The following HDAC9 variants were observed in gnomAD, a reference collection of about 807,000 sequenced individuals.
HDAC9 encodes the protein MEF-2 interacting transcription repressor (MITR) protein.
HDAC9 carries 41 observed loss-of-function variants against 139.4 expected under a neutral mutation model. That is an observed-to-expected ratio of 0.29 (90% CI 0.23 to 0.38). The LOEUF is 0.38. Ranked by LOEUF, HDAC9 falls within the 10% of genes least tolerant of loss-of-function variation. HDAC9 has a pLI of 1.00. For synonymous variants in HDAC9, 517 were observed against 476.2 expected, an observed-to-expected ratio of 1.09 and a Z score of -1.12; for missense variants, 1,147 against 1,297.0, an observed-to-expected ratio of 0.88 and a Z score of 1.78.
intron 22 of HDAC9, among the ~76,000 whole-genome samples, chr7:18,927,054 G>T (rs1307160723): frequency 1.3e-5 from 2 of 152,032 alleles, no homozygotes; most frequent in Non-Finnish European, 1.5e-5. Context: ...AACATGAAAT[G>T]AATCTTCAGA....
chr7:18,561,240 T>C (rs1338232875), intron 2 of HDAC9, among the ~76,000 whole-genome samples: 4 of 152,182 alleles, frequency 2.6e-5, no homozygotes, highest in African/African-American at 9.7e-5. Flanking sequence ...AATTTAAATG[T>C]AACCTGAACG....
intron 2 of HDAC9, among the ~76,000 whole-genome samples, chr7:18,539,568 A>G (rs1216364363): frequency 2.6e-5 from 4 of 152,250 alleles, no homozygotes; most frequent in African/African-American, 7.2e-5. Flanking sequence ...TCTTATGGTT[A>G]TCTAAGATGG....
At chr7:18,980,225 G>C (rs536581978) in intron 25 of HDAC9, among the ~76,000 whole-genome samples, 4 of 152,046 alleles carry the variant, frequency 2.6e-5, no homozygotes, top group Admixed American at 6.6e-5. Flanking sequence ...ATCCTCCAAT[G>C]CCCAGTTATG....
chr7:18,808,260 G>A (rs1225811269), intron 17 of HDAC9: 1 of 152,188 alleles, frequency 6.6e-6, no homozygotes, highest in Non-Finnish European at 1.5e-5. Context: ...AGATGTTGCA[G>A]TCAGATTGCT....
intron 1 of HDAC9, among the ~76,000 whole-genome samples, chr7:18,452,949 A>G (rs61165965): frequency 6.6e-6 from 1 of 152,326 alleles, no homozygotes; most frequent in African/African-American, 2.4e-5. Context: ...GACACACATA[A>G]TATAAACTAG....
intron 17 of HDAC9, among the ~76,000 whole-genome samples, chr7:18,798,501 A>G (rs1792999164): frequency 1.3e-5 from 2 of 152,128 alleles, no homozygotes; most frequent in East Asian, 3.9e-4. Flanking sequence ...CACAGCCTGC[A>G]TTCTTAGCAT....
At chr7:18,290,298 A>T (rs1797723019), upstream of HDAC9, 1 of 355,938 alleles carries the variant, frequency 2.8e-6, no homozygotes, top group Admixed American at 3.7e-5. Flanking sequence ...AAAGTCGTTC[A>T]GTAGCAGGGC....
chr7:18,584,342 A>G (rs1014921896), intron 2 of HDAC9, among the ~76,000 whole-genome samples: 3 of 151,508 alleles, frequency 2.0e-5, no homozygotes, highest in Non-Finnish European at 4.4e-5. Context: ...GTTGGCCAGG[A>G]TGGTCTCGAT....
intron 2 of HDAC9, among the ~76,000 whole-genome samples, chr7:18,565,464 T>G (rs1371456604): frequency 6.6e-6 from 1 of 152,200 alleles, no homozygotes; most frequent in Non-Finnish European, 1.5e-5. Context: ...CAGCATCATA[T>G]CAGAGACAGC....
At position 18,789,286 on chromosome 7, in the gene HDAC9, G is replaced by GCGCACACACACACA. The variant is rs146066951; in HGVS notation, c.2215-4058_2215-4057insGCACACACACACAC. Among the ~76,000 whole-genome samples, 440 of 148,500 alleles carry GCGCACACACACACA rather than the reference G, an allele frequency of 3.0e-3. 2 individuals are homozygous for GCGCACACACACACA. The highest frequency in any genetic ancestry group is 0.01 in the African/African-American group (411 of 39,970). On this transcript the variant is annotated intron_variant, in intron 16 of 25. Transcript: ENST00000686413. ...TTAATGCACACGCAGACACATACAC[G>GCGCACACACACACA]CACACACACACACACACACACACAG... is the stretch of plus-strand genomic sequence containing the variant.
chr7:18,458,717 G>GATA, intron 1 of HDAC9: 1 of 566,700 alleles, frequency 1.8e-6, no homozygotes, highest in Admixed American at 3.1e-5. Context: ...ATTAATAAAT[G>GATA]ATAAGCTGTA....
intron 21 of HDAC9, among the ~76,000 whole-genome samples, chr7:18,838,500 A>G (rs1397932462): frequency 6.6e-6 from 1 of 152,032 alleles, no homozygotes; most frequent in Non-Finnish European, 1.5e-5. Flanking sequence ...GCTCAAGGAC[A>G]TGAGGTGGGA....
At chr7:18,183,212 T>C (rs747976750) in intron 2 of HDAC9, among the ~76,000 whole-genome samples, 2 of 152,054 alleles carry the variant, frequency 1.3e-5, no homozygotes, top group African/African-American at 2.4e-5. Flanking sequence ...GGTTTCACCG[T>C]GTTAGCCAGG....
rs555737313 is a variant in HDAC9, at chr7:18,091,657, G to A, written c.-97+4444G>A. ...ACCCCTTTATCATATCAGTTTCATT[G>A]CTCAGAAGTCCACACATAGCTCAAC... is the stretch of plus-strand genomic sequence containing the variant. On this transcript the variant is annotated intron_variant, in intron 1 of 12. Transcript: ENST00000417496. Among the ~76,000 whole-genome samples, 4 of 152,228 alleles carry A rather than the reference G, an allele frequency of 2.6e-5. No homozygotes were observed. In the South Asian group the frequency reaches 8.3e-4, roughly 32 times the overall value.
intron 24 of HDAC9, among the ~76,000 whole-genome samples, chr7:18,965,637 G>T (rs910715143): frequency 6.6e-6 from 1 of 152,138 alleles, no homozygotes; most frequent in African/African-American, 2.4e-5. Flanking sequence ...ATTCCTCTGG[G>T]GAAATTCTGA....
chr7:18,412,552 G>A (rs1431196811), intron 1 of HDAC9, among the ~76,000 whole-genome samples: 3 of 152,084 alleles, frequency 2.0e-5, no homozygotes, highest in South Asian at 2.1e-4. Context: ...ATGAAGACAC[G>A]ATCATACTCC....
At chr7:18,724,715 G>A (rs568579590) in intron 12 of HDAC9, among the ~76,000 whole-genome samples, 6 of 152,200 alleles carry the variant, frequency 3.9e-5, no homozygotes, top group African/African-American at 1.4e-4. Flanking sequence ...CATATATGTG[G>A]TCTATCCTTG....
At chr7:18,192,750 C>T (rs1309547757) in intron 2 of HDAC9, among the ~76,000 whole-genome samples, 6 of 152,056 alleles carry the variant, frequency 3.9e-5, no homozygotes, top group Non-Finnish European at 7.4e-5. Context: ...ATAGAATAGG[C>T]TAAAATACAA....
intron 6 of HDAC9, among the ~76,000 whole-genome samples, chr7:18,597,460 C>G (rs1832813923): frequency 6.6e-6 from 1 of 152,038 alleles, no homozygotes; most frequent in Non-Finnish European, 1.5e-5. Flanking sequence ...TAGTAGATGA[C>G]TTTATTGTTT....
Sources: gnomAD v4.1 joint callset for allele counts (sites outside exome capture counted in the v4.1 genomes callset) on GRCh38, gnomAD v4.1.1 for gene constraint, MANE v1.5 for transcripts, NCBI Gene and HGNC (gene_info 2026-07-23, HGNC 2026-07-21) for gene names.